Variants in ATP6V0A4 observed in about 807,000 individuals in gnomAD.
ATP6V0A4 encodes ATPase H+ transporting V0 subunit a4, also known as V-type proton ATPase 116 kDa subunit a 4.
ATP6V0A4 carries 86 observed loss-of-function variants against 107.3 expected under a neutral mutation model. That is an observed-to-expected ratio of 0.80 (90% confidence interval 0.67 to 0.96). The LOEUF is 0.96. Ranked by LOEUF, ATP6V0A4 falls within the 40% of genes least tolerant of loss-of-function variation. ATP6V0A4 has a pLI of 0.00. For synonymous variants in ATP6V0A4, 353 were observed against 381.4 expected, an observed-to-expected ratio of 0.93 and a Z score of 0.87; for missense variants, 908 against 1,045.6, an observed-to-expected ratio of 0.87 and a Z score of 1.81.
chr7:138,737,504 T>C (rs1275824640), intron 15 of ATP6V0A4, among the ~76,000 whole-genome samples: 1 of 151,816 alleles, frequency 6.6e-6, no homozygotes, highest in Non-Finnish European at 1.5e-5. Flanking sequence ...ACGTGTTCTG[T>C]TAAAGTGGTT....
intron 17 of ATP6V0A4, chr7:138,729,071 G>A (rs999600896): frequency 5.0e-5 from 30 of 601,018 alleles, no homozygotes; most frequent in Non-Finnish European, 1.3e-5. Flanking sequence ...GTTCGACACG[G>A]GGTAGACACT....
At chr7:138,763,063 G>A (rs1202522363) in intron 5 of ATP6V0A4, 38 bp from the exon 6 acceptor site, 3 of 1,612,174 alleles carry the variant, frequency 1.9e-6, no homozygotes, top group Admixed American at 1.7e-5. Context: ...CCAACAGAAA[G>A]TGCTATGACA....
intron 3 of ATP6V0A4, among the ~76,000 whole-genome samples, chr7:138,770,665 AGACT>A (rs1807335562): frequency 1.3e-5 from 2 of 152,220 alleles, no homozygotes; most frequent in African/African-American, 4.8e-5. Context: ...GTCATACTCA[AGACT>A]GTCTAACTCT....
Position 138,784,225 on chromosome 7 carries a change from T to TATATATAC in ATP6V0A4, c.-18+1932_-18+1933insGTATATAT, listed in dbSNP as rs1563020655. On this transcript the variant is annotated intron_variant, in intron 2 of 21. Coordinates refer to ENST00000310018, the MANE Select transcript of ATP6V0A4 (RefSeq NM_020632.3). ...TGAATCCTTAAACATTATATATATA[T>TATATATAC]ATATATATACGTATATATATATATA... Among the ~76,000 whole-genome samples, 73 of 76,962 alleles carry TATATATAC rather than the reference T, an allele frequency of 9.5e-4. 1 individual carries two copies. The highest frequency in any genetic ancestry group is 3.9e-3 in the African/African-American group (49 of 12,594). 50.5% of individuals were successfully genotyped at this position (76,962 alleles called of 152,430 possible).
At chr7:138,723,193 C>T (rs1487190633) in intron 18 of ATP6V0A4, among the ~76,000 whole-genome samples, 1 of 152,164 alleles carries the variant, frequency 6.6e-6, no homozygotes, top group Admixed American at 6.6e-5. Context: ...CAGAATGTGC[C>T]AAATTATAGT....
At chr7:138,756,575 G>GC in intron 8 of ATP6V0A4, 35 bp from the exon 9 acceptor site, 2 of 1,600,054 alleles carry the variant, frequency 1.2e-6, no homozygotes, top group Non-Finnish European at 1.7e-6. Flanking sequence ...AAAAAGGGGG[G>GC]GGTTTCTTTC....
chr7:138,772,518 C>T (rs889643083), intron 2 of ATP6V0A4, among the ~76,000 whole-genome samples: 16 of 152,076 alleles, frequency 1.1e-4, no homozygotes, highest in African/African-American at 3.9e-4. Flanking sequence ...CACAGTTCCA[C>T]CATACAGTCA....
At chr7:138,772,204 T>C (rs780976530) in intron 2 of ATP6V0A4, among the ~76,000 whole-genome samples, 1 of 152,230 alleles carries the variant, frequency 6.6e-6, no homozygotes, top group African/African-American at 2.4e-5. Flanking sequence ...TCAAATCTTA[T>C]ATCCCTCATA....
intron 19 of ATP6V0A4, among the ~76,000 whole-genome samples, chr7:138,720,343 T>G (rs1274127374): frequency 6.6e-6 from 1 of 151,982 alleles, no homozygotes. Flanking sequence ...GGGAAAGAGG[T>G]CCATGAATGG....
At chr7:138,790,637 T>G (rs578095365) in intron 1 of ATP6V0A4, among the ~76,000 whole-genome samples, 66 of 152,216 alleles carry the variant, frequency 4.3e-4, no homozygotes, top group Middle Eastern at 3.2e-3. Context: ...CATTATAAAC[T>G]GCTTCCAAGC....
chr7:138,755,098 T>TGA (rs1379265340), intron 10 of ATP6V0A4, among the ~76,000 whole-genome samples: 3 of 152,198 alleles, frequency 2.0e-5, no homozygotes, highest in Admixed American at 2.0e-4. Context: ...CTAGCACTGA[T>TGA]GAGAGTCTGC....
chr7:138,770,218 A>T (rs906459105), intron 3 of ATP6V0A4, among the ~76,000 whole-genome samples: 1 of 152,078 alleles, frequency 6.6e-6, no homozygotes, highest in Non-Finnish European at 1.5e-5. Flanking sequence ...GTAAAAAGAA[A>T]GGAAAAGAAA....
intron 14 of ATP6V0A4, among the ~76,000 whole-genome samples, chr7:138,743,091 T>C (rs1805715745): frequency 6.6e-6 from 1 of 152,152 alleles, no homozygotes; most frequent in African/African-American, 2.4e-5. Context: ...ACTAAATATT[T>C]CTACAGTCTC....
chr7:138,755,670 G>A lies in ATP6V0A4; in HGVS notation c.816+19C>T, dbSNP rs80076422. The A allele has an allele frequency of 1.3e-3, 2,097 of 1,613,082 alleles. 17 individuals carry two copies. The African/African-American group carries it at 0.021, about 16-fold the overall frequency. ...TCCTGCAGCTGCCATCAGACCATGC[G>A]CCCAAACCCCTCACTCACGGTGATT... is the stretch of plus-strand genomic sequence containing the variant. On this transcript the variant is annotated intron_variant, in intron 10 of 21. Coordinates refer to ENST00000310018, the MANE Select transcript of ATP6V0A4 (RefSeq NM_020632.3).
rs1805847326 is a variant in ATP6V0A4 at position 138,745,151 on chromosome 7, G to T, written c.1450C>A (p.Gln484Lys). The stretch of plus-strand genomic sequence containing the variant: ...CATGTGCCGTTTCTGAACATGGGTT[G>T]GACACTCCAAGAAGAGCCAAAGATG... Reference protein sequence around the residue: ...LNIFGSSWSVQPMFRNGTWNT... With the variant: ...LNIFGSSWSVKPMFRNGTWNT... The change falls in exon 14 of 22, where the codon CAA (glutamine) becomes AAA (lysine). Residue 484 changes from glutamine (Q) to lysine (K), a missense_variant. Coordinates refer to ENST00000310018, the MANE Select transcript of ATP6V0A4 (RefSeq NM_020632.3). The T allele has an allele frequency of 8.1e-6, 13 of 1,614,096 alleles. No individual in the cohort carries two copies. The highest frequency in any genetic ancestry group is 1.1e-5 in the Non-Finnish European group (13 of 1,179,964).
Position 138,739,549 on chromosome 7 carries a change from C to T in ATP6V0A4, c.1563G>A (p.Gly521=). Residue 521 remains glycine, a synonymous_variant, in exon 15 of 22, where the codon GGG becomes GGA. Transcript: ENST00000310018. ...AAGAAGACATTATTACCGGATCAAT[C>T]CCAAACGGGTATGGATTTCCAAAAT... The part of the protein sequence containing the change: ...GVYFGNPYPF[G]IDPIWNLASN... 6.2e-7 allele frequency: 1 copy of T among 1,614,184 alleles called. No homozygotes were observed. The highest frequency in any genetic ancestry group is 1.7e-5 in the Admixed American group (1 of 60,020).
At chr7:138,719,730 C>G (rs548849171) in intron 19 of ATP6V0A4, among the ~76,000 whole-genome samples, 1 of 152,154 alleles carries the variant, frequency 6.6e-6, no homozygotes, top group African/African-American at 2.4e-5. Context: ...GCTACAAAAG[C>G]TGTAAGTGGA....
intron 1 of ATP6V0A4, among the ~76,000 whole-genome samples, chr7:138,797,112 C>T (rs3823493): frequency 0.1 from 15,522 of 152,052 alleles, 1,030 homozygotes; most frequent in African/African-American, 0.19. Flanking sequence ...ACCTCTGGAC[C>T]TTTGCTCATC....
At chr7:138,797,041 A>C (rs3823495) in intron 1 of ATP6V0A4, among the ~76,000 whole-genome samples, 58,691 of 151,666 alleles carry the variant, frequency 0.39, 11,542 homozygotes, top group East Asian at 0.59. Context: ...CCCACCTCAC[A>C]TGCCTTGGCT....
Sources: gnomAD v4.1 joint callset for allele counts (sites outside exome capture counted in the v4.1 genomes callset) on GRCh38, gnomAD v4.1.1 for gene constraint, MANE v1.5 for transcripts, NCBI Gene and HGNC (gene_info 2026-07-23, HGNC 2026-07-21) for gene names.